Variants in OR10J1 observed in about 807,000 individuals in gnomAD.
OR10J1 encodes the protein olfactory receptor family 10 subfamily J member 1.
For missense variants in OR10J1, 474 were observed against 376.6 expected (o/e 1.26, Z -2.14); for synonymous variants, 202 against 143.8 (o/e 1.40, Z -2.89).
At position 159,440,173 on chromosome 1, in the gene OR10J1, A is replaced by C. The variant is rs1206143399; in HGVS notation, c.382A>C (p.Asn128His). 1.9e-6 allele frequency: 3 copies of C among 1,614,016 alleles called. No individual in the cohort carries two copies. Among genetic ancestry groups the C allele is most frequent in the Non-Finnish European group, 2.5e-6 (3 of 1,180,016 alleles). The change falls in exon 1 of 1, where the codon AAC (asparagine) becomes CAC (histidine). Residue 128 changes from asparagine to histidine, a missense_variant. Transcript: ENST00000423932. ...ATATGACCGCTATGTGGCCATCTGC[A>C]ACCCCCTGAGATACATGGTTATTAT... is the stretch of plus-strand genomic sequence containing the variant. ...MGYDRYVAIC[N>H]PLRYMVIMNK...
the OR10J1 span, chr1:159,405,717 G>A: frequency 1.3e-6 from 1 of 746,112 alleles, no homozygotes. Context: ...AGATGATGAG[G>A]TCATAGGAGA....
chr1:159,432,003 C>A, the OR10J1 span, among the ~76,000 whole-genome samples: 1 of 152,172 alleles, frequency 6.6e-6, no homozygotes, highest in Non-Finnish European at 1.5e-5. Context: ...CTACATCTGT[C>A]CCCCAGTCTC....
chr1:159,433,223 G>T (rs912096834), upstream of OR10J1: 1 of 397,106 alleles, frequency 2.5e-6, no homozygotes. Context: ...GAGATACTGT[G>T]AAAGCACCAG....
chr1:159,411,907 G>T, the OR10J1 span, among the ~76,000 whole-genome samples: 2 of 152,128 alleles, frequency 1.3e-5, no homozygotes, highest in East Asian at 3.9e-4. Context: ...GTCCCTGTTT[G>T]CAGATGACAT....
At chr1:159,427,772 C>T in the OR10J1 span, among the ~76,000 whole-genome samples, 1 of 151,786 alleles carries the variant, frequency 6.6e-6, no homozygotes, top group Non-Finnish European at 1.5e-5. Context: ...CCAAAAATAG[C>T]CAAGTTGGAA....
the OR10J1 span, among the ~76,000 whole-genome samples, chr1:159,423,150 G>A: frequency 6.6e-6 from 1 of 152,064 alleles, no homozygotes; most frequent in East Asian, 1.9e-4. Flanking sequence ...GGTTCATGTA[G>A]CCTCTTAAAG....
the OR10J1 span, among the ~76,000 whole-genome samples, chr1:159,417,798 G>T: frequency 6.6e-6 from 1 of 152,152 alleles, no homozygotes; most frequent in Admixed American, 6.5e-5. Context: ...AGGAAAATGT[G>T]GGAAAGTTTG....
the OR10J1 span, among the ~76,000 whole-genome samples, chr1:159,411,110 T>C: frequency 6.6e-6 from 1 of 152,094 alleles, no homozygotes; most frequent in Non-Finnish European, 1.5e-5. Context: ...AGGAGAGCTT[T>C]ACTTCCAACT....
At chr1:159,409,294 A>C in the OR10J1 span, among the ~76,000 whole-genome samples, 1 of 152,054 alleles carries the variant, frequency 6.6e-6, no homozygotes. Context: ...GAAGCTGACC[A>C]AGGATTTGCA....
At chr1:159,421,549 G>A in the OR10J1 span, among the ~76,000 whole-genome samples, 2 of 152,168 alleles carry the variant, frequency 1.3e-5, no homozygotes, top group Non-Finnish European at 2.9e-5. Flanking sequence ...TCTCATGGGT[G>A]TGGAATTTTT....
chr1:159,436,458 T>A (rs1374544309), upstream of OR10J1, among the ~76,000 whole-genome samples: 1 of 152,094 alleles, frequency 6.6e-6, no homozygotes, highest in East Asian at 1.9e-4. Flanking sequence ...CTGGGCCAAT[T>A]GCCACCCCTC....
the OR10J1 span, among the ~76,000 whole-genome samples, chr1:159,409,392 C>T: frequency 3.9e-5 from 6 of 152,158 alleles, no homozygotes; most frequent in East Asian, 1.2e-3. Context: ...TAGGAATAGC[C>T]TATTGTGGCA....
At chr1:159,433,711 T>C (rs186006252), upstream of OR10J1, among the ~76,000 whole-genome samples, 79 of 152,296 alleles carry the variant, frequency 5.2e-4, no homozygotes, top group Admixed American at 1.3e-3. Context: ...CACTCCTTAG[T>C]CAATCACTGT....
the OR10J1 span, among the ~76,000 whole-genome samples, chr1:159,400,566 AT>A: frequency 6.7e-6 from 1 of 149,550 alleles, no homozygotes; most frequent in African/African-American, 2.4e-5. Context: ...TTAAATATAT[AT>A]TTATTACATA....
rs1558010595 is a variant in OR10J1, at chr1:159,440,001, G to T, written c.210G>T (p.Glu70Asp). Residue 70 changes from glutamate to aspartate, a missense_variant, in exon 1 of 1, where the codon GAG becomes GAT. Transcript: ENST00000423932. ...TCCTGAGCATGCTGTCCACTTCAGA[G>T]ACTGTATATACATTGGTCATTCTCC... ...YFFLSMLSTS[E>D]TVYTLVILPR... 2 of 1,614,092 alleles carry T rather than the reference G, an allele frequency of 1.2e-6. No individual in the cohort carries two copies. Among genetic ancestry groups the T allele is most frequent in the Non-Finnish European group, 1.7e-6 (2 of 1,180,028 alleles).
chr1:159,406,335 C>T, the OR10J1 span: 1 of 488,550 alleles, frequency 2.0e-6, no homozygotes, highest in South Asian at 1.6e-5. Flanking sequence ...CAAAGAAGAG[C>T]TCAGTCACAG....
At chr1:159,406,196 T>A in the OR10J1 span, 8 of 516,090 alleles carry the variant, frequency 1.6e-5, no homozygotes, top group Non-Finnish European at 3.2e-5. Flanking sequence ...TACATGGGGG[T>A]GTGGAGGTGA....
the OR10J1 span, among the ~76,000 whole-genome samples, chr1:159,400,517 G>C: frequency 8.0e-5 from 12 of 150,622 alleles, no homozygotes; most frequent in South Asian, 2.5e-3. Flanking sequence ...ACTTCAGCAA[G>C]GGGATATAAC....
chr1:159,435,459 A>G (rs972309957), upstream of OR10J1, among the ~76,000 whole-genome samples: 1 of 152,210 alleles, frequency 6.6e-6, no homozygotes, highest in South Asian at 2.1e-4. Context: ...CCTTTTCAGA[A>G]CTTATTTTTC....
Sources: allele counts gnomAD v4.1 joint callset (sites outside exome capture counted in the v4.1 genomes callset), GRCh38; gene constraint gnomAD v4.1.1; transcripts MANE v1.5; gene names NCBI Gene and HGNC (gene_info 2026-07-23, HGNC 2026-07-21).